CLDN14: variants seen among roughly 807,000 people sequenced by gnomAD.
CLDN14 encodes the protein claudin-14.
A neutral mutation model predicts 2.1 loss-of-function variants in CLDN14; 2 were observed. That is an observed-to-expected ratio of 0.96 (90% CI 0.39 to 3.01). The LOEUF is 3.01. Ranked by LOEUF, CLDN14 falls within the 30% of genes most tolerant of loss-of-function variation. The pLI, the probability that CLDN14 is intolerant of heterozygous loss-of-function variation, is 0.09. For synonymous variants in CLDN14, 136 were observed against 154.4 expected, an observed-to-expected ratio of 0.88 and a Z score of 0.88; for missense variants, 298 against 328.0, an observed-to-expected ratio of 0.91 and a Z score of 0.71.
intron 1 of CLDN14, among the ~76,000 whole-genome samples, chr21:36,560,198 C>A (rs8127982): frequency 0.094 from 13,791 of 146,860 alleles, 1,362 homozygotes; most frequent in African/African-American, 0.25. Flanking sequence ...TTAGTCATTT[C>A]TTTCTATTCC....
At chr21:36,536,249 T>C (rs959194819) in intron 1 of CLDN14, among the ~76,000 whole-genome samples, 6 of 152,212 alleles carry the variant, frequency 3.9e-5, no homozygotes, top group African/African-American at 1.4e-4. Flanking sequence ...CCTGAGGACC[T>C]GCCCAGGGAA....
chr21:36,489,131 A>AAAAATATATATATATATATAT, intron 2 of CLDN14, among the ~76,000 whole-genome samples: 7 of 62,726 alleles, frequency 1.1e-4, no homozygotes, highest in African/African-American at 3.5e-4. Flanking sequence ...AAAAAAAAAA[A>AAAAATATATATATATATATAT]ATATATATAT....
chr21:36,494,739 G>A (rs2086999850), intron 2 of CLDN14, among the ~76,000 whole-genome samples: 4 of 152,340 alleles, frequency 2.6e-5, no homozygotes, highest in Admixed American at 2.6e-4. Context: ...CAGGGAGGGG[G>A]CCTCAGGAGA....
chr21:36,537,376 C>T (rs2087432161), intron 1 of CLDN14, among the ~76,000 whole-genome samples: 1 of 152,134 alleles, frequency 6.6e-6, no homozygotes, highest in Non-Finnish European at 1.5e-5. Context: ...TAACAATGAA[C>T]ATACTGATCT....
intron 1 of CLDN14, among the ~76,000 whole-genome samples, chr21:36,573,885 C>G (rs73379405): frequency 0.012 from 1,846 of 152,122 alleles, 37 homozygotes; most frequent in African/African-American, 0.043. Flanking sequence ...TACATAAAAA[C>G]TATAAGACAT....
chr21:36,548,756 G>A (rs934769410), intron 1 of CLDN14, among the ~76,000 whole-genome samples: 2 of 152,168 alleles, frequency 1.3e-5, no homozygotes, highest in Non-Finnish European at 2.9e-5. Context: ...GATGTGGGGA[G>A]GCCAAGGGTG....
intron 1 of CLDN14, among the ~76,000 whole-genome samples, chr21:36,462,657 C>T (rs1196483104): frequency 3.9e-5 from 6 of 152,024 alleles, no homozygotes; most frequent in East Asian, 3.9e-4. Context: ...GGGCCAGGCA[C>T]GGTGGTTCAC....
chr21:36,485,227 T>A lies in CLDN14; in HGVS notation c.-81-23451A>T, dbSNP rs565424136. The stretch of plus-strand genomic sequence containing the variant: ...TGTGATTTTGTTTTTCTTTTTTTTT[T>A]GATGGCGTCTTAGTCTGTCACCTAG... On this transcript the variant is annotated intron_variant, in intron 2 of 2. Coordinates refer to the CLDN14 transcript ENST00000342108. 9.3e-5 allele frequency among the ~76,000 whole-genome samples: 14 copies of A among 151,266 alleles called. No individual in the cohort carries two copies. In the East Asian group the frequency reaches 2.7e-3, roughly 29 times the overall value.
intron 1 of CLDN14, among the ~76,000 whole-genome samples, chr21:36,524,161 C>T (rs12627295): frequency 0.053 from 7,984 of 151,894 alleles, 349 homozygotes; most frequent in African/African-American, 0.12. Flanking sequence ...CTCTGTCGCC[C>T]AGGCTGGAGT....
chr21:36,546,660 T>C (rs558674542), intron 1 of CLDN14, among the ~76,000 whole-genome samples: 1 of 152,348 alleles, frequency 6.6e-6, no homozygotes, highest in South Asian at 2.1e-4. Context: ...TTACAAAAAA[T>C]TTCAAACATA....
intron 2 of CLDN14, among the ~76,000 whole-genome samples, chr21:36,490,949 G>GACAGACAC (rs775319552): frequency 1.7e-3 from 259 of 148,860 alleles, no homozygotes; most frequent in African/African-American, 5.7e-3. Flanking sequence ...CAAGTGCACA[G>GACAGACAC]ACACACACAC....
chr21:36,488,028 CA>C (rs1243297935), intron 2 of CLDN14, among the ~76,000 whole-genome samples: 1 of 152,122 alleles, frequency 6.6e-6, no homozygotes, highest in Non-Finnish European at 1.5e-5. Context: ...GCATTATTTG[CA>C]ATAGTCAAAA....
intron 1 of CLDN14, among the ~76,000 whole-genome samples, chr21:36,531,692 G>GT (rs11318014): frequency 0.025 from 3,261 of 128,552 alleles, 46 homozygotes; most frequent in South Asian, 0.053. Flanking sequence ...GTCTTTGTCT[G>GT]TTTTTTTTTT....
chr21:36,507,170 C>T (rs2087141236), intron 2 of CLDN14, among the ~76,000 whole-genome samples: 1 of 151,728 alleles, frequency 6.6e-6, no homozygotes, highest in Non-Finnish European at 1.5e-5. Flanking sequence ...TATCAGTCAG[C>T]CAAAGACACA....
At chr21:36,555,687 C>G (rs1193400091) in intron 1 of CLDN14, among the ~76,000 whole-genome samples, 2 of 152,170 alleles carry the variant, frequency 1.3e-5, no homozygotes, top group East Asian at 3.9e-4. Context: ...GGGACATTGC[C>G]CAAAGATGTC....
intron 1 of CLDN14, among the ~76,000 whole-genome samples, chr21:36,525,952 G>A (rs1032361295): frequency 6.6e-6 from 1 of 152,200 alleles, no homozygotes; most frequent in East Asian, 1.9e-4. Context: ...CCCTGGACCA[G>A]AGGGAAGCGG....
intron 1 of CLDN14, among the ~76,000 whole-genome samples, chr21:36,470,431 G>C (rs768671341): frequency 6.6e-6 from 1 of 152,190 alleles, no homozygotes; most frequent in Non-Finnish European, 1.5e-5. Flanking sequence ...GGAATGTGGA[G>C]GATCGCCAGC....
chr21:36,501,332 CTTTTTTTTTTTTTTTTTTTTT>C (rs58458004), intron 2 of CLDN14, among the ~76,000 whole-genome samples: 6,533 of 48,618 alleles, frequency 0.13, 679 homozygotes, highest in African/African-American at 0.34. Flanking sequence ...CAATATCTCA[CTTTTTTTTTTTTTTTTTTTTT>C]TTTTTTTTTT....
intron 1 of CLDN14, among the ~76,000 whole-genome samples, chr21:36,563,558 A>G (rs1402260934): frequency 1.3e-5 from 2 of 152,228 alleles, no homozygotes; most frequent in African/African-American, 2.4e-5. Flanking sequence ...TATGAGCCAT[A>G]GGGCCGTCAC....
Sources: allele counts gnomAD v4.1 joint callset (sites outside exome capture counted in the v4.1 genomes callset), GRCh38; gene constraint gnomAD v4.1.1; transcripts MANE v1.5; gene names NCBI Gene and HGNC (gene_info 2026-07-23, HGNC 2026-07-21).